Variants in LGR4 observed in about 807,000 individuals in gnomAD.
The protein encoded by LGR4 is leucine rich repeat containing G protein-coupled receptor 4.
In LGR4, 44 loss-of-function variants were observed where a neutral mutation model predicts 84.8. The ratio of observed to expected loss-of-function variants is 0.52; its 90% confidence interval spans 0.41 to 0.67. The LOEUF (loss-of-function observed/expected upper bound fraction) is 0.67. LGR4 is among the 30% of genes least tolerant of loss of function. The pLI, the probability that LGR4 is intolerant of heterozygous loss-of-function variation, is 0.00. For missense variants in LGR4, 1,032 were observed against 1,131.4 expected, an observed-to-expected ratio of 0.91 and a Z score of 1.26; for synonymous variants, 429 against 434.3, an observed-to-expected ratio of 0.99 and a Z score of 0.15.
chr11:27,406,250 T>C (rs1309369658), intron 2 of LGR4, among the ~76,000 whole-genome samples: 2 of 152,112 alleles, frequency 1.3e-5, no homozygotes, highest in African/African-American at 2.4e-5. Context: ...ACTATCCCTC[T>C]CCCTTGAAAG....
chr11:27,431,477 T>C (rs1223181148), intron 1 of LGR4, among the ~76,000 whole-genome samples: 1 of 152,198 alleles, frequency 6.6e-6, no homozygotes, highest in Admixed American at 6.5e-5. Context: ...TAACATACTA[T>C]AAACATTCAC....
chr11:27,394,427 G>A (rs950813145), intron 2 of LGR4, among the ~76,000 whole-genome samples: 27 of 151,974 alleles, frequency 1.8e-4, no homozygotes, highest in African/African-American at 6.5e-4. Flanking sequence ...TTTTGAGACG[G>A]AGTCTCACTC....
Position 27,376,312 on chromosome 11 carries a change from A to T in LGR4, c.1168T>A (p.Ser390Thr), listed in dbSNP as rs1178256108. The change falls in exon 13 of 18, where the codon TCT becomes ACT. Residue 390 changes from serine (S) to threonine (T), a missense_variant. Coordinates refer to ENST00000379214, the MANE Select transcript of LGR4 (RefSeq NM_018490.5). ...IKEGTFQGLISLRILDLSRNL... is the reference protein window; with the variant it reads ...IKEGTFQGLITLRILDLSRNL... ...AGACAAACTTACAGAATCCTTAGAG[A>T]TATCAGGCCTTGAAAGGTGCCTTCC... 6.3e-7 allele frequency: 1 copy of T among 1,577,372 alleles called. No individual in the cohort carries two copies. The highest frequency in any genetic ancestry group is 8.7e-7 in the Non-Finnish European group (1 of 1,152,192).
intron 1 of LGR4, among the ~76,000 whole-genome samples, chr11:27,449,888 A>G (rs1426045185): frequency 6.6e-6 from 1 of 152,186 alleles, no homozygotes; most frequent in Non-Finnish European, 1.5e-5. Flanking sequence ...TATTAACAAT[A>G]TCTCTTCAGT....
chr11:27,437,462 C>A (rs2133428048), intron 1 of LGR4, among the ~76,000 whole-genome samples: 1 of 152,132 alleles, frequency 6.6e-6, no homozygotes, highest in Admixed American at 6.5e-5. Context: ...CATTTTTTAT[C>A]AAATGCTTTA....
In LGR4 at chr11:27,385,281, A is replaced by G. The variant is rs755219941; in HGVS notation, c.589T>C (p.Phe197Leu). ...ACTACCAGGCTTGAAAGGTTGGTAA[A>G]TGCAAAGTCAGGGATGCTTGAGATC... ...NKISSIPDFA[F>L]TNLSSLVVLH... Residue 197 changes from phenylalanine to leucine, a missense_variant, in exon 5 of 18, where the codon TTT becomes CTT. Transcript: ENST00000379214. 1 of 1,589,840 alleles carries G rather than the reference A, an allele frequency of 6.3e-7. No individual in the cohort carries two copies. The highest frequency in any genetic ancestry group is 1.1e-5 in the South Asian group (1 of 87,220).
At chr11:27,458,213 T>C (rs754423919) in intron 1 of LGR4, among the ~76,000 whole-genome samples, 2 of 152,072 alleles carry the variant, frequency 1.3e-5, no homozygotes, top group African/African-American at 4.8e-5. Context: ...GTGAGAAAAA[T>C]AGGCCAGACG....
At chr11:27,370,665 C>G (rs1485793032) in intron 17 of LGR4, among the ~76,000 whole-genome samples, 2 of 152,190 alleles carry the variant, frequency 1.3e-5, no homozygotes, top group African/African-American at 2.4e-5. Flanking sequence ...CCTGGCCAAT[C>G]TCCAAGTTTA....
intron 1 of LGR4, among the ~76,000 whole-genome samples, chr11:27,457,372 T>C (rs1300718501): frequency 6.6e-6 from 1 of 152,228 alleles, no homozygotes; most frequent in Non-Finnish European, 1.5e-5. Flanking sequence ...CAGGAGTCTC[T>C]GGCGGGGATT....
At chr11:27,400,926 T>C (rs1863488769) in intron 2 of LGR4, among the ~76,000 whole-genome samples, 1 of 152,222 alleles carries the variant, frequency 6.6e-6, no homozygotes, top group African/African-American at 2.4e-5. Flanking sequence ...GCTATCAGTA[T>C]AAACCTCATC....
At chr11:27,463,512 G>A (rs377231253) in intron 1 of LGR4, among the ~76,000 whole-genome samples, 5 of 152,094 alleles carry the variant, frequency 3.3e-5, no homozygotes, top group African/African-American at 7.2e-5. Context: ...TTGGCTGGGC[G>A]TGGTGGCTCA....
intron 1 of LGR4, among the ~76,000 whole-genome samples, chr11:27,413,419 C>CAG (rs1565084626): frequency 1.3e-5 from 2 of 152,246 alleles, no homozygotes. Context: ...GTATGTGGTC[C>CAG]ATTTCCAGTT....
chr11:27,405,492 C>A (rs921560298), intron 2 of LGR4, among the ~76,000 whole-genome samples: 1 of 152,162 alleles, frequency 6.6e-6, no homozygotes, highest in African/African-American at 2.4e-5. Flanking sequence ...ATTCTATAAT[C>A]TATGCCCTTC....
intron 1 of LGR4, among the ~76,000 whole-genome samples, chr11:27,457,144 G>A (rs1391945266): frequency 1.3e-5 from 2 of 152,122 alleles, no homozygotes; most frequent in Non-Finnish European, 2.9e-5. Context: ...TTAAATCCCA[G>A]TTTGCTCAGT....
intron 11 of LGR4, 120 bp from the exon 12 acceptor site, chr11:27,377,343 A>G (rs1022178557): frequency 2.0e-6 from 1 of 497,040 alleles, no homozygotes; most frequent in Non-Finnish European, 3.6e-6. Context: ...ATGCCTGAAT[A>G]AGAAAAACAA....
At chr11:27,462,790 C>T (rs1864705038) in intron 1 of LGR4, among the ~76,000 whole-genome samples, 1 of 151,870 alleles carries the variant, frequency 6.6e-6, no homozygotes. Flanking sequence ...AATGCTAAGT[C>T]CAAAGTGGTT....
At chr11:27,459,845 C>G (rs1286559510) in intron 1 of LGR4, among the ~76,000 whole-genome samples, 1 of 151,198 alleles carries the variant, frequency 6.6e-6, no homozygotes, top group African/African-American at 2.4e-5. Flanking sequence ...AATCCCAGTA[C>G]TTTGAGAGGC....
At chr11:27,448,022 G>T (rs1864421541) in intron 1 of LGR4, among the ~76,000 whole-genome samples, 1 of 152,138 alleles carries the variant, frequency 6.6e-6, no homozygotes, top group Non-Finnish European at 1.5e-5. Flanking sequence ...TATATCCTGT[G>T]GTTCTATGAT....
At position 27,373,714 on chromosome 11, in the gene LGR4, T is replaced by C. The variant is rs190241796; in HGVS notation, c.1254-38A>G. The C allele has an allele frequency of 4.9e-3, 7,424 of 1,510,402 alleles. 26 individuals carry two copies. The highest frequency in any genetic ancestry group is 6.1e-3 in the Non-Finnish European group (6,791 of 1,115,292). The allele number at this position is 1,510,402 out of a possible 1,614,324, so 93.6% of individuals were successfully genotyped here. A position where few individuals can be genotyped will look rare whatever the true frequency, so the allele number is the denominator to read the frequency against. On this transcript the variant is annotated intron_variant, in intron 14 of 17. Transcript: ENST00000379214. ...TGAGACTTCAAGTTAATGCCCAATA[T>C]ATAAATCACATAAAAACATCTGTAC...
Sources: allele counts gnomAD v4.1 joint callset (sites outside exome capture counted in the v4.1 genomes callset), GRCh38; gene constraint gnomAD v4.1.1; transcripts MANE v1.5; gene names NCBI Gene and HGNC (gene_info 2026-07-23, HGNC 2026-07-21).